The following PKD2L1 variants were observed in gnomAD, a reference collection of about 807,000 sequenced individuals.
PKD2L1 encodes polycystin-2-like protein 1.
A neutral mutation model predicts 93.0 loss-of-function variants in PKD2L1; 77 were observed. The observed-to-expected ratio is 0.83, with a 90% CI of 0.69 to 1.00. The LOEUF (loss-of-function observed/expected upper bound fraction) is 1.00. PKD2L1 is among the 50% of genes least tolerant of loss of function. The pLI is 0.00. For missense variants in PKD2L1, 977 were observed against 990.9 expected (o/e 0.99, Z 0.19); for synonymous variants, 390 against 388.0 (o/e 1.01, Z -0.06).
chr10:100,326,681 C>A (rs1304379986), intron 2 of PKD2L1, among the ~76,000 whole-genome samples: 8 of 152,318 alleles, frequency 5.3e-5, no homozygotes, highest in Middle Eastern at 3.4e-3. Context: ...ATGCCAGGCA[C>A]TGAGTTGATG....
At chr10:100,303,191 G>GTTTTTTTTTTTTTTTTTTTTTTTT (rs146131470) in intron 2 of PKD2L1, among the ~76,000 whole-genome samples, 1 of 128,984 alleles carries the variant, frequency 7.8e-6, no homozygotes, top group Non-Finnish European at 1.6e-5. Context: ...ACATCAAACT[G>GTTTTTTTTTTTTTTTTTTTTTTTT]TTTTTTTGTT....
chr10:100,322,242 A>C (rs1309943270), intron 2 of PKD2L1, among the ~76,000 whole-genome samples: 2 of 152,068 alleles, frequency 1.3e-5, no homozygotes, highest in South Asian at 4.2e-4. Context: ...ACAACAACAA[A>C]AACAAAAACT....
rs752382115 is a variant in PKD2L1 at position 100,298,620 on chromosome 10, C to T, written c.673G>A (p.Asp225Asn). 1.2e-6 allele frequency: 2 copies of T among 1,614,056 alleles called. No individual in the cohort carries two copies. Among genetic ancestry groups the T allele is most frequent in the Middle Eastern group, 3.3e-4 (2 of 6,062 alleles). ...TCTTCTTTGTCTGGAGAGTAGACAT[C>T]ATAGCAGCTCAGAATGTCCTCCCGG... Reference protein sequence around the residue: ...DFREDILSCYDVYSPDKEEQL... With the variant: ...DFREDILSCYNVYSPDKEEQL... Residue 225 changes from aspartate (D) to asparagine (N), a missense_variant, in exon 4 of 16, where the codon GAT (aspartate) becomes AAT (asparagine). Transcript: ENST00000318222.
intron 10 of PKD2L1, 88 bp downstream of exon 10, chr10:100,293,193 C>T: frequency 6.5e-7 from 1 of 1,539,436 alleles, no homozygotes; most frequent in East Asian, 2.3e-5. Context: ...GGCACAGGCA[C>T]CTCAATCAGT....
chr10:100,297,384 C>T lies in PKD2L1; in HGVS notation c.954G>A (p.Leu318=), dbSNP rs762949037. The T allele has an allele frequency of 1.2e-6, 2 of 1,612,720 alleles. No individual in the cohort carries two copies. The highest frequency in any genetic ancestry group is 1.3e-5 in the African/African-American group (1 of 74,964). The change falls in exon 5 of 16, where the codon CTG becomes CTA. Residue 318 remains leucine (L), a splice_region_variant and synonymous_variant. Coordinates refer to ENST00000318222, the MANE Select transcript of PKD2L1 (RefSeq NM_016112.3). ...TAAAGTAGGGAAAGGGGGCTCACCT[C>T]AGGACACAGAAAAGATTGATATTGG... ...YNANINLFCV[L]RLVVEFPATG... is the part of the protein sequence containing the mutation.
intron 2 of PKD2L1, among the ~76,000 whole-genome samples, chr10:100,320,707 G>A (rs1849207482): frequency 6.6e-6 from 1 of 152,208 alleles, no homozygotes; most frequent in Non-Finnish European, 1.5e-5. Flanking sequence ...GTAAATTAAT[G>A]TGAGTTGTAC....
rs1210879018 is a variant in PKD2L1, at chr10:100,297,555, C to A, written c.783G>T (p.Arg261Ser). The change falls in exon 5 of 16, where the codon AGG (arginine) becomes AGT (serine). Residue 261 changes from arginine to serine, a missense_variant. Physicochemically the swap from Arg to Ser is moderately radical, Grantham distance 110 (BLOSUM62 -1). Transcript: ENST00000318222. ...DELGGFSHWG[R>S]LTSYSGGGYY... ...AGCCACCTCCGCTGTAGCTTGTGAG[C>A]CTGCCCCAGTGGGAGAAGCCCCCCA... is the stretch of plus-strand genomic sequence containing the variant. 5 of 1,614,084 alleles carry A rather than the reference C, an allele frequency of 3.1e-6. No homozygotes were observed. The highest frequency in any genetic ancestry group is 4.2e-6 in the Non-Finnish European group (5 of 1,180,014).
chr10:100,299,585 A>T lies in PKD2L1; in HGVS notation c.477+6T>A. 6.2e-7 allele frequency: 1 copy of T among 1,613,574 alleles called. No homozygotes were observed. Among genetic ancestry groups the T allele is most frequent in the South Asian group, 1.1e-5 (1 of 91,062 alleles). On this transcript the variant is annotated splice_donor_region_variant and intron_variant, in intron 3 of 15. Coordinates refer to ENST00000318222, the MANE Select transcript of PKD2L1 (RefSeq NM_016112.3). The stretch of plus-strand genomic sequence containing the variant: ...AGGGGAGGGGTAGAAAAGATCTTAT[A>T]CTCACATCCCAGAAGTCCGCCATGC...
intron 3 of PKD2L1, among the ~76,000 whole-genome samples, chr10:100,299,272 C>T (rs1405925899): frequency 6.6e-6 from 1 of 152,100 alleles, no homozygotes; most frequent in Non-Finnish European, 1.5e-5. Context: ...TTTAAAACTC[C>T]TCCATTGACC....
intron 2 of PKD2L1, among the ~76,000 whole-genome samples, chr10:100,324,083 C>T (rs1849324331): frequency 6.6e-6 from 1 of 152,244 alleles, no homozygotes; most frequent in Non-Finnish European, 1.5e-5. Flanking sequence ...CCAGTTCAGT[C>T]TCCCAAAGTG....
At chr10:100,325,100 A>G (rs369665140) in intron 2 of PKD2L1, among the ~76,000 whole-genome samples, 1 of 152,266 alleles carries the variant, frequency 6.6e-6, no homozygotes, top group African/African-American at 2.4e-5. Context: ...GTCTCCCCAA[A>G]AGTCTCTTTA....
In PKD2L1 at chr10:100,298,562, G is replaced by A. The variant is rs370973027; in HGVS notation, c.731C>T (p.Ala244Val). Residue 244 changes from alanine (A) to valine (V), a missense_variant and splice_region_variant, in exon 4 of 16, where the codon GCG becomes GTG. Physicochemically the swap from Ala to Val is moderately conservative, Grantham distance 64. Coordinates refer to ENST00000318222, the MANE Select transcript of PKD2L1 (RefSeq NM_016112.3). Reference protein sequence around the residue: ...QLPFGPFNGTAWTYHSQDELG... With the variant: ...QLPFGPFNGTVWTYHSQDELG... ...ATATTGGTAGGACAGGCTCACTCAC[G>A]CTGTGCCATTGAAGGGCCCAAAGGG... 2.4e-5 allele frequency: 39 copies of A among 1,613,784 alleles called. No homozygotes were observed. The highest frequency in any genetic ancestry group is 2.0e-4 in the Admixed American group (12 of 59,986).
At chr10:100,307,069 C>G (rs1848820809) in intron 2 of PKD2L1, among the ~76,000 whole-genome samples, 6 of 152,000 alleles carry the variant, frequency 3.9e-5, no homozygotes, top group Admixed American at 3.9e-4. Context: ...GACAGAGGCT[C>G]AACATATCCA....
chr10:100,292,965 G>A lies in PKD2L1; in HGVS notation c.1863C>T (p.Phe621=), dbSNP rs771871285. 6.2e-7 allele frequency: 1 copy of A among 1,614,058 alleles called. No individual in the cohort carries two copies. Among genetic ancestry groups the A allele is most frequent in the East Asian group, 2.2e-5 (1 of 44,890 alleles). Residue 621 remains phenylalanine (F), a synonymous_variant, in exon 11 of 16, where the codon TTC becomes TTT. Coordinates refer to ENST00000318222, the MANE Select transcript of PKD2L1 (RefSeq NM_016112.3). ...TTGCTCACTCCCTTAAGGTGTTGGT[G>A]AAATCCTCAAACTGGATCTCCTGCT... ...GGEQEIQFED[F]TNTLRELGHA... is the part of the protein sequence containing the mutation.
chr10:100,293,957 A>G (rs1848463492), intron 9 of PKD2L1, among the ~76,000 whole-genome samples: 1 of 152,102 alleles, frequency 6.6e-6, no homozygotes, highest in African/African-American at 2.4e-5. Flanking sequence ...AGATACAAAA[A>G]TTAGCGGGGT....
At chr10:100,294,766 A>G in intron 8 of PKD2L1, 111 bp from the exon 9 acceptor site, 1 of 1,469,988 alleles carries the variant, frequency 6.8e-7, no homozygotes, top group Non-Finnish European at 9.4e-7. Flanking sequence ...TGATAGACAC[A>G]GGGCAGGGTG....
At chr10:100,317,376 C>CA (rs1486864893) in intron 2 of PKD2L1, among the ~76,000 whole-genome samples, 2 of 150,578 alleles carry the variant, frequency 1.3e-5, no homozygotes, top group Non-Finnish European at 3.0e-5. Flanking sequence ...CCTGTCTTTA[C>CA]AAAAAAACAA....
intron 12 of PKD2L1, among the ~76,000 whole-genome samples, 186 bp from the exon 13 acceptor site, chr10:100,290,705 G>A (rs1848388200): frequency 6.6e-6 from 1 of 152,178 alleles, no homozygotes; most frequent in Non-Finnish European, 1.5e-5. Context: ...ACCTCTGGAG[G>A]AGTCACCTCT....
Position 100,293,074 on chromosome 10 carries a change from A to AAGGGAAAGGAAAT in PKD2L1, c.1759-18_1759-6dup. The AAGGGAAAGGAAAT allele has an allele frequency of 6.2e-7, 1 of 1,613,270 alleles. No individual in the cohort carries two copies. The highest frequency in any genetic ancestry group is 8.5e-7 in the Non-Finnish European group (1 of 1,179,582). ...TAGTAGGGTCTTGTTGTAGCCCTGA[A>AAGGGAAAGGAAAT]AGGGAAAGGAAATAGGCACAAGTTC... is the stretch of plus-strand genomic sequence containing the variant. On this transcript the variant is annotated splice_region_variant and splice_polypyrimidine_tract_variant and intron_variant, in intron 10 of 15. Transcript: ENST00000318222.
Sources: gnomAD v4.1 joint callset for allele counts (sites outside exome capture counted in the v4.1 genomes callset) on GRCh38, gnomAD v4.1.1 for gene constraint, MANE v1.5 for transcripts, NCBI Gene and HGNC (gene_info 2026-07-23, HGNC 2026-07-21) for gene names.